NUDCD3: variants seen among roughly 807,000 people sequenced by gnomAD.
The protein encoded by NUDCD3 is NudC domain containing 3, also known as nudC domain-containing protein 3.
In NUDCD3, 13 loss-of-function variants were observed where a neutral mutation model predicts 39.7. The observed-to-expected ratio is 0.33, with a 90% CI of 0.21 to 0.52. The LOEUF (loss-of-function observed/expected upper bound fraction) is 0.52, where lower values mean the gene tolerates loss of function less well. Ranked by LOEUF, NUDCD3 falls within the 20% of genes least tolerant of loss-of-function variation. The pLI is 0.96. For missense variants in NUDCD3, 453 were observed against 458.1 expected, an observed-to-expected ratio of 0.99 and a Z score of 0.10; for synonymous variants, 175 against 172.4, an observed-to-expected ratio of 1.02 and a Z score of -0.12.
At chr7:44,409,917 C>T (rs946582546) in intron 3 of NUDCD3, among the ~76,000 whole-genome samples, 6 of 151,948 alleles carry the variant, frequency 3.9e-5, no homozygotes, top group African/African-American at 1.5e-4. Flanking sequence ...ATGAAAGGGG[C>T]TCAAAACCAC....
intron 2 of NUDCD3, among the ~76,000 whole-genome samples, chr7:44,430,391 A>T (rs528712078): frequency 6.6e-6 from 1 of 152,296 alleles, no homozygotes; most frequent in Non-Finnish European, 1.5e-5. Flanking sequence ...CTCATATCTG[A>T]CATAAATATG....
rs532381924 is a variant in NUDCD3, at chr7:44,477,151, T to C, written c.509+7817A>G. 1.3e-4 allele frequency among the ~76,000 whole-genome samples: 20 copies of C among 152,304 alleles called. No homozygotes were observed. In the South Asian group the frequency reaches 3.3e-3, roughly 25 times the overall value. On this transcript the variant is annotated intron_variant, in intron 2 of 5. Transcript: ENST00000355451. ...CTAACGGGCTTGTCCTAGAAGGGGT[T>C]AATATGTTAGATTGTTCCATGACAC...
chr7:44,420,882 C>T (rs893042853), intron 3 of NUDCD3, among the ~76,000 whole-genome samples: 1 of 152,142 alleles, frequency 6.6e-6, no homozygotes, highest in East Asian at 1.9e-4. Flanking sequence ...CCGGTACCAG[C>T]CACTGCAAAA....
chr7:44,459,349 C>A (rs1052567731), intron 2 of NUDCD3, among the ~76,000 whole-genome samples: 1 of 151,928 alleles, frequency 6.6e-6, no homozygotes, highest in East Asian at 1.9e-4. Context: ...TAGGCATGCA[C>A]CACCATGCCT....
chr7:44,446,562 G>A (rs1563179801), intron 2 of NUDCD3, among the ~76,000 whole-genome samples: 1 of 152,218 alleles, frequency 6.6e-6, no homozygotes, highest in East Asian at 1.9e-4. Flanking sequence ...CCTGCTCTGA[G>A]GGTGGCTGGA....
chr7:44,473,583 G>A (rs1427027349), intron 2 of NUDCD3, among the ~76,000 whole-genome samples: 1 of 152,126 alleles, frequency 6.6e-6, no homozygotes, highest in Non-Finnish European at 1.5e-5. Flanking sequence ...TTTTGTCTGT[G>A]CATGTGTACT....
chr7:44,404,461 G>A lies in NUDCD3; in HGVS notation c.765C>T (p.Leu255=), dbSNP rs541410724. Residue 255 remains leucine (L), a synonymous_variant, in exon 4 of 6, where the codon CTC becomes CTT. Coordinates refer to ENST00000355451, the MANE Select transcript of NUDCD3 (RefSeq NM_015332.4). The part of the protein sequence containing the change: ...KINTESSLWS[L]EPGKCVLVNL... ...TTACCAAAACGCACTTCCCGGGCTC[G>A]AGACTCCAGAGAGAACTCTCAGTGT... 2.2e-5 allele frequency: 35 copies of A among 1,613,968 alleles called. No individual in the cohort carries two copies. The highest frequency in any genetic ancestry group is 5.0e-5 in the Admixed American group (3 of 60,000).
chr7:44,398,042 AG>A (rs1453888725), intron 4 of NUDCD3, among the ~76,000 whole-genome samples: 1 of 152,144 alleles, frequency 6.6e-6, no homozygotes, highest in Admixed American at 6.5e-5. Context: ...GTGTTCACTC[AG>A]GTTACCTGGC....
intron 2 of NUDCD3, among the ~76,000 whole-genome samples, chr7:44,439,022 G>A (rs1192657707): frequency 6.6e-6 from 1 of 152,114 alleles, no homozygotes; most frequent in African/African-American, 2.4e-5. Flanking sequence ...ACTAACAGAG[G>A]GGCCCACAAC....
intron 3 of NUDCD3, among the ~76,000 whole-genome samples, chr7:44,421,758 C>T (rs1016282834): frequency 6.6e-6 from 1 of 152,120 alleles, no homozygotes; most frequent in Non-Finnish European, 1.5e-5. Flanking sequence ...ATTAGATCAA[C>T]GAGACAGAAA....
chr7:44,416,277 T>C (rs2116887993), intron 3 of NUDCD3, among the ~76,000 whole-genome samples: 1 of 152,052 alleles, frequency 6.6e-6, no homozygotes, highest in Non-Finnish European at 1.5e-5. Flanking sequence ...TTTGTAGAGA[T>C]GGGCTTTCAC....
chr7:44,405,091 C>G (rs1190792162), intron 3 of NUDCD3, among the ~76,000 whole-genome samples: 1 of 152,246 alleles, frequency 6.6e-6, no homozygotes, highest in Non-Finnish European at 1.5e-5. Context: ...CACTGCACTG[C>G]CTGGTTGACT....
intron 2 of NUDCD3, among the ~76,000 whole-genome samples, chr7:44,442,713 TGAGAC>T (rs1226010529): frequency 7.1e-6 from 1 of 141,750 alleles, no homozygotes; most frequent in East Asian, 1.9e-4. Context: ...TTTTTTTTTT[TGAGAC>T]AGAGTCTCAC....
chr7:44,408,294 A>C (rs1209501643), intron 3 of NUDCD3, among the ~76,000 whole-genome samples: 1 of 152,230 alleles, frequency 6.6e-6, no homozygotes, highest in Non-Finnish European at 1.5e-5. Flanking sequence ...GAAAAAGAGG[A>C]ATATCCAACT....
intron 3 of NUDCD3, among the ~76,000 whole-genome samples, chr7:44,421,264 G>A (rs1461253257): frequency 6.6e-6 from 1 of 150,450 alleles, no homozygotes; most frequent in Non-Finnish European, 1.5e-5. Flanking sequence ...AACCTGGGAG[G>A]CAGAGGTTGC....
intron 2 of NUDCD3, among the ~76,000 whole-genome samples, chr7:44,432,472 G>A (rs545683736): frequency 3.3e-5 from 5 of 152,338 alleles, no homozygotes; most frequent in African/African-American, 1.2e-4. Context: ...GAGAGAGAAT[G>A]CCTATGATAG....
chr7:44,477,463 G>A (rs1232937882), intron 2 of NUDCD3, among the ~76,000 whole-genome samples: 1 of 152,242 alleles, frequency 6.6e-6, no homozygotes, highest in African/African-American at 2.4e-5. Flanking sequence ...GCCTTTCAGA[G>A]ATTTTTGTCA....
At chr7:44,443,319 T>C (rs1799627129) in intron 2 of NUDCD3, among the ~76,000 whole-genome samples, 1 of 152,196 alleles carries the variant, frequency 6.6e-6, no homozygotes, top group South Asian at 2.1e-4. Flanking sequence ...ACCTTTAAAT[T>C]ATCAGCTTTC....
At chr7:44,411,856 TG>T (rs768490370) in intron 3 of NUDCD3, among the ~76,000 whole-genome samples, 34 of 152,314 alleles carry the variant, frequency 2.2e-4, no homozygotes, top group Non-Finnish European at 3.8e-4. Context: ...TGTCCATGTA[TG>T]GGTGGTAAAG....
Sources: gnomAD v4.1 joint callset for allele counts (sites outside exome capture counted in the v4.1 genomes callset) on GRCh38, gnomAD v4.1.1 for gene constraint, MANE v1.5 for transcripts, NCBI Gene and HGNC (gene_info 2026-07-23, HGNC 2026-07-21) for gene names.